Variants in KLHL6 observed in about 807,000 individuals in gnomAD.
KLHL6 encodes kelch like family member 6.
Under a neutral mutation model 58.6 loss-of-function variants are expected in KLHL6, and 41 were observed. The ratio of observed to expected loss-of-function variants is 0.70; its 90% confidence interval spans 0.55 to 0.91. KLHL6 has a LOEUF of 0.91. Among genes scored for constraint, KLHL6 ranks in the 40% least tolerant of loss-of-function variants. The pLI is 0.00. For missense variants in KLHL6, 714 were observed against 805.6 expected, an observed-to-expected ratio of 0.89 and a Z score of 1.38; for synonymous variants, 338 against 322.7, an observed-to-expected ratio of 1.05 and a Z score of -0.51.
At chr3:183,547,067 G>A (rs1419052020) in intron 1 of KLHL6, among the ~76,000 whole-genome samples, 6 of 152,042 alleles carry the variant, frequency 3.9e-5, no homozygotes, top group Admixed American at 1.3e-4. Context: ...ACACGCCACC[G>A]TGCCTGGCTA....
At chr3:183,496,803 G>A (rs141675258) in intron 4 of KLHL6, among the ~76,000 whole-genome samples, 217 of 152,322 alleles carry the variant, frequency 1.4e-3, no homozygotes, top group African/African-American at 5.0e-3. Context: ...TTCAGGTATT[G>A]CTTGTATCAT....
intron 4 of KLHL6, among the ~76,000 whole-genome samples, chr3:183,497,266 G>T (rs143423264): frequency 2.0e-5 from 3 of 152,302 alleles, no homozygotes; most frequent in East Asian, 3.9e-4. Context: ...ACAAAAATTG[G>T]CCAGGCATGA....
At chr3:183,495,779 GGAA>G (rs1717697172) in intron 4 of KLHL6, among the ~76,000 whole-genome samples, 1 of 152,000 alleles carries the variant, frequency 6.6e-6, no homozygotes. Flanking sequence ...AAAAGAAAAG[GGAA>G]GAAGGAGGCT....
intron 1 of KLHL6, among the ~76,000 whole-genome samples, chr3:183,552,707 G>T (rs1430257489): frequency 1.7e-5 from 2 of 118,188 alleles, no homozygotes; most frequent in Non-Finnish European, 3.2e-5. Flanking sequence ...GACAGAGCGA[G>T]ACTCCGTCTC....
intron 1 of KLHL6, among the ~76,000 whole-genome samples, chr3:183,531,456 T>TG (rs1560105932): frequency 7.2e-6 from 1 of 138,622 alleles, no homozygotes; most frequent in African/African-American, 2.7e-5. Context: ...TTTTTTTTTT[T>TG]TTTTTTTTTT....
intron 4 of KLHL6, among the ~76,000 whole-genome samples, chr3:183,494,569 A>G (rs1717664240): frequency 6.6e-6 from 1 of 152,196 alleles, no homozygotes; most frequent in South Asian, 2.1e-4. Context: ...AGAAGGCTTC[A>G]GGGGGCAGGA....
In KLHL6 at chr3:183,492,130, G is replaced by A. The variant is rs760709738; in HGVS notation, c.1663C>T (p.Pro555Ser). 6.2e-7 allele frequency: 1 copy of A among 1,613,742 alleles called. No homozygotes were observed. The highest frequency in any genetic ancestry group is 1.1e-5 in the South Asian group (1 of 91,078). The change falls in exon 7 of 7, where the codon CCC becomes TCC. Residue 555 changes from proline to serine, a missense_variant. This residue lies in a region of KLHL6 where 510 missense variants were observed against 629.7 expected (regional missense o/e 0.81). Transcript: ENST00000341319. The surrounding 1 kb of genome is among the most constrained non-coding windows in gnomAD (Gnocchi z 5.9). Reference protein sequence around the residue: ...SHERASCGIAPCNNRLYITGG... With the variant: ...SHERASCGIASCNNRLYITGG... ...GTGATGTAGAGCCGGTTGTTGCAGGGCGCGATACCGCAGCTGGCCCGCTCG... is the reference window on the plus strand; with the variant it reads ...GTGATGTAGAGCCGGTTGTTGCAGGACGCGATACCGCAGCTGGCCCGCTCG...
rs117608136 is a variant in KLHL6, at chr3:183,536,395, G to A, written c.294-8385C>T. Among the ~76,000 whole-genome samples the A allele has an allele frequency of 5.8e-4, 89 of 152,330 alleles. 2 individuals are homozygous for A. The East Asian group carries it at 0.016, about 27-fold the overall frequency. ...AGTAGGTAAATTCTCCAGCACATCT[G>A]GCTTTGTGTATGTGTGAGTTTGCAT... On this transcript the variant is annotated intron_variant, in intron 1 of 6. Transcript: ENST00000341319.
intron 1 of KLHL6, 85 bp downstream of exon 1, chr3:183,555,276 A>T: frequency 8.9e-7 from 1 of 1,117,598 alleles, no homozygotes; most frequent in East Asian, 2.4e-5. Flanking sequence ...TATCATGGCC[A>T]ACTGTTCAAG....
intron 2 of KLHL6, among the ~76,000 whole-genome samples, chr3:183,513,099 A>G (rs138586758): frequency 6.6e-6 from 1 of 152,232 alleles, no homozygotes; most frequent in Non-Finnish European, 1.5e-5. Context: ...CTGAGCATGA[A>G]CATTATAAAC....
chr3:183,543,629 C>A (rs934885891), intron 1 of KLHL6, among the ~76,000 whole-genome samples: 2 of 151,600 alleles, frequency 1.3e-5, no homozygotes, highest in African/African-American at 4.9e-5. Context: ...ATCCACTGGG[C>A]CTCCACCTCT....
chr3:183,491,897 G>A lies in KLHL6; in HGVS notation c.*30C>T, dbSNP rs1463539627. The A allele has an allele frequency of 2.1e-6, 3 of 1,444,494 alleles. No individual in the cohort carries two copies. The highest frequency in any genetic ancestry group is 2.5e-5 in the East Asian group (1 of 39,430). The allele number at this position is 1,444,494 out of a possible 1,614,324, so 89.5% of individuals were successfully genotyped here. On this transcript the variant is annotated 3_prime_UTR_variant, in exon 7 of 7. Coordinates refer to ENST00000341319, the MANE Select transcript of KLHL6 (RefSeq NM_130446.4). The stretch of plus-strand genomic sequence containing the variant: ...AGGTGAGGCGGGTACGCTGAGGGTC[G>A]GGGGGGCTCTCCAGCTCCCCATCCT...
rs551277950 is a variant in KLHL6 at position 183,499,431 on chromosome 3, G to A, written c.1147+159C>T. 6.6e-6 allele frequency among the ~76,000 whole-genome samples: 1 copy of A among 152,276 alleles called. No individual in the cohort carries two copies. The highest frequency in any genetic ancestry group is 2.4e-5 in the African/African-American group (1 of 41,542). The stretch of plus-strand genomic sequence containing the variant: ...TATTAAGTAGCAATGTACTCTCCAA[G>A]ATAAGACCACCTGAGCTCCTGGGTC... On this transcript the variant is annotated intron_variant, in intron 4 of 6. Transcript: ENST00000341319. This position sits in a 1 kb window ranked among gnomAD's most constrained non-coding sequence, Gnocchi z 4.6.
intron 1 of KLHL6, among the ~76,000 whole-genome samples, chr3:183,534,119 T>A (rs1712271155): frequency 8.1e-6 from 1 of 123,438 alleles, no homozygotes; most frequent in African/African-American, 2.9e-5. Context: ...GTACTTTACT[T>A]TTAAAGTACT....
At position 183,499,439 on chromosome 3, in the gene KLHL6, C is replaced by T; in HGVS notation, c.1147+151G>A. 1.7e-6 allele frequency: 1 copy of T among 599,556 alleles called. No individual in the cohort carries two copies. 37.1% of individuals were successfully genotyped at this position (599,556 alleles called of 1,614,324 possible). A position where few individuals can be genotyped will look rare whatever the true frequency, so the allele number is the denominator to read the frequency against. On this transcript the variant is annotated intron_variant, in intron 4 of 6. Coordinates refer to ENST00000341319, the MANE Select transcript of KLHL6 (RefSeq NM_130446.4). The surrounding 1 kb of genome is among the most constrained non-coding windows in gnomAD (Gnocchi z 4.6). The stretch of plus-strand genomic sequence containing the variant: ...AGCAATGTACTCTCCAAGATAAGAC[C>T]ACCTGAGCTCCTGGGTCCATATCCT...
chr3:183,554,220 G>A (rs181602184), intron 1 of KLHL6, among the ~76,000 whole-genome samples: 66 of 152,208 alleles, frequency 4.3e-4, no homozygotes, highest in African/African-American at 1.0e-3. Context: ...GGTTCCCAGC[G>A]CTATAAAATT....
rs372412048 is a variant in KLHL6, at chr3:183,499,754, G to A, written c.983C>T (p.Thr328Met). The A allele has an allele frequency of 5.0e-6, 8 of 1,609,468 alleles. No individual in the cohort carries two copies. The African/African-American group carries it at 5.3e-5, about 11-fold the overall frequency. Residue 328 changes from threonine to methionine, a missense_variant, in exon 4 of 7, where the codon ACG (threonine) becomes ATG (methionine). Transcript: ENST00000341319. The surrounding 1 kb of genome is among the most constrained non-coding windows in gnomAD (Gnocchi z 4.6). ...CTCTGCCACAAACCGTTCATCCTTC[G>A]TGCAGCCGCCAATGATCATGAACAC... Reference protein sequence around the residue: ...SEVFMIIGGCTKDERFVAEVT... With the variant: ...SEVFMIIGGCMKDERFVAEVT...
At position 183,489,725 on chromosome 3, in the gene KLHL6, C is replaced by G. The variant is rs1553694; in HGVS notation, c.*2202G>C. ...TTACTTTCCACAGCAGAGAGCTGAA[C>G]TGTCACGCTTCTAAGGCACAGAGCA... On this transcript the variant is annotated 3_prime_UTR_variant, in exon 7 of 7. Transcript: ENST00000341319. 2,976 of 152,338 alleles carry G rather than the reference C, an allele frequency of 0.02. 116 individuals carry two copies. Among genetic ancestry groups the G allele is most frequent in the African/African-American group, 0.068 (2,845 of 41,576 alleles). 9.4% of individuals were successfully genotyped at this position (152,338 alleles called of 1,614,324 possible). A position where few individuals can be genotyped will look rare whatever the true frequency, so the allele number is the denominator to read the frequency against.
chr3:183,554,439 A>G (rs1457795315), intron 1 of KLHL6, among the ~76,000 whole-genome samples: 1 of 152,236 alleles, frequency 6.6e-6, no homozygotes, highest in African/African-American at 2.4e-5. Flanking sequence ...ATGATGAAAC[A>G]GACATTCAGA....
Sources: gnomAD v4.1 joint callset for allele counts (sites outside exome capture counted in the v4.1 genomes callset) on GRCh38, gnomAD v4.1.1 for gene constraint, gnomAD v4.1.1 regional missense constraint, Gnocchi (gnomAD v3.1) non-coding constraint, MANE v1.5 for transcripts, NCBI Gene and HGNC (gene_info 2026-07-23, HGNC 2026-07-21) for gene names.